Variants in JRK observed in about 807,000 individuals in gnomAD.
The protein encoded by JRK is jerky protein homolog.
For synonymous variants in JRK, 303 were observed against 218.1 expected, an observed-to-expected ratio of 1.39 and a Z score of -3.43; for missense variants, 720 against 509.2, an observed-to-expected ratio of 1.41 and a Z score of -3.98.
Position 142,662,181 on chromosome 8 carries a change from C to T in JRK, c.*2171G>A. The T allele has an allele frequency of 3.0e-6, 3 of 985,906 alleles. No individual in the cohort carries two copies. The highest frequency in any genetic ancestry group is 3.6e-6 in the Non-Finnish European group (3 of 830,302). 61.1% of individuals were successfully genotyped at this position (985,906 alleles called of 1,614,324 possible). On this transcript the variant is annotated 3_prime_UTR_variant, in exon 2 of 2. Transcript: ENST00000612905. ...CAAGCGCCTACCCATCAGCCCAGCA[C>T]AGTCAGCACAAGAGCAGATCAAGAA...
downstream of JRK, among the ~76,000 whole-genome samples, chr8:142,652,704 C>T (rs1846688544): frequency 6.6e-6 from 1 of 152,158 alleles, no homozygotes; most frequent in Admixed American, 6.5e-5. Flanking sequence ...CTTGACTTTT[C>T]CCTTTAGCTT....
chr8:142,667,730 A>C (rs1449335331), intron 1 of JRK, among the ~76,000 whole-genome samples: 1 of 152,194 alleles, frequency 6.6e-6, no homozygotes, highest in Non-Finnish European at 1.5e-5. Context: ...TGACATAGAA[A>C]TGTCACAGCT....
rs1010185224 is a variant in JRK, at chr8:142,661,219, G to A, written c.*3133C>T. 11 of 985,618 alleles carry A rather than the reference G, an allele frequency of 1.1e-5. No individual in the cohort carries two copies. Among genetic ancestry groups the A allele is most frequent in the Non-Finnish European group, 1.3e-5 (11 of 830,062 alleles). 61.1% of individuals were successfully genotyped at this position (985,618 alleles called of 1,614,324 possible). ...GGACAGCGTGCCTGGGGTGCTCGCAGAAGGCCAGGCTGGCACAGGCAGGAC... is the reference window on the plus strand; with the variant it reads ...GGACAGCGTGCCTGGGGTGCTCGCAAAAGGCCAGGCTGGCACAGGCAGGAC... On this transcript the variant is annotated 3_prime_UTR_variant, in exon 2 of 2. Transcript: ENST00000612905.
At chr8:142,648,051 G>T in the JRK span, among the ~76,000 whole-genome samples, 4 of 152,188 alleles carry the variant, frequency 2.6e-5, no homozygotes, top group Admixed American at 2.0e-4. Flanking sequence ...GAGATGTGAC[G>T]AATTCTGAAC....
At chr8:142,647,827 G>T in the JRK span, among the ~76,000 whole-genome samples, 2 of 152,222 alleles carry the variant, frequency 1.3e-5, no homozygotes, top group Non-Finnish European at 2.9e-5. Flanking sequence ...GGAACAGTTT[G>T]GAGGGCTCAG....
chr8:142,667,240 A>AGCAG (rs1847155038), intron 1 of JRK, among the ~76,000 whole-genome samples: 3 of 152,312 alleles, frequency 2.0e-5, no homozygotes, highest in South Asian at 2.1e-4. Flanking sequence ...AAGGAGCCGC[A>AGCAG]GCAGACAGAC....
chr8:142,652,542 T>C (rs587594494), downstream of JRK, among the ~76,000 whole-genome samples: 1 of 149,668 alleles, frequency 6.7e-6, no homozygotes, highest in East Asian at 2.0e-4. Flanking sequence ...GAATCAGATA[T>C]ACATTTATCT....
At chr8:142,669,707 G>A (rs1847263981) in intron 1 of JRK, among the ~76,000 whole-genome samples, 1 of 151,092 alleles carries the variant, frequency 6.6e-6, no homozygotes, top group Non-Finnish European at 1.5e-5. Context: ...CGCGCGGGAA[G>A]CACAGGGCTT....
chr8:142,645,365 AGTTTTTG>A, the JRK span, among the ~76,000 whole-genome samples: 3 of 152,170 alleles, frequency 2.0e-5, no homozygotes, highest in Non-Finnish European at 2.9e-5. Context: ...ATTGCATAAA[AGTTTTTG>A]GTTTTTAAAA....
chr8:142,666,784 C>T (rs1205882956), intron 1 of JRK, among the ~76,000 whole-genome samples: 9 of 152,218 alleles, frequency 5.9e-5, no homozygotes, highest in Non-Finnish European at 4.4e-5. Context: ...GGAAACGAGA[C>T]GTGGCTCTCA....
chr8:142,654,249 C>A (rs1846711266), downstream of JRK, among the ~76,000 whole-genome samples: 1 of 152,160 alleles, frequency 6.6e-6, no homozygotes, highest in South Asian at 2.1e-4. Flanking sequence ...ACTACTCCAA[C>A]CCTCACAGCA....
chr8:142,663,238 A>G lies in JRK; in HGVS notation c.*1114T>C. 1.0e-6 allele frequency: 1 copy of G among 985,280 alleles called. No individual in the cohort carries two copies. Among genetic ancestry groups the G allele is most frequent in the Non-Finnish European group, 1.2e-6 (1 of 829,746 alleles). 61.0% of individuals were successfully genotyped at this position (985,280 alleles called of 1,614,324 possible). A position where few individuals can be genotyped will look rare whatever the true frequency, so the allele number is the denominator to read the frequency against. ...TGGACACAGGGCGTTCTGGAATCTCAGCTGCAGGCAGTGAGTGTTGCCCGT... is the reference window on the plus strand; with the variant it reads ...TGGACACAGGGCGTTCTGGAATCTCGGCTGCAGGCAGTGAGTGTTGCCCGT... On this transcript the variant is annotated 3_prime_UTR_variant, in exon 2 of 2. Transcript: ENST00000612905.
In JRK at chr8:142,659,539, C is replaced by T. The variant is rs1846848266; in HGVS notation, c.*4813G>A. 1 of 985,774 alleles carries T rather than the reference C, an allele frequency of 1.0e-6. No homozygotes were observed. The highest frequency in any genetic ancestry group is 1.2e-6 in the Non-Finnish European group (1 of 830,184). The allele number at this position is 985,774 out of a possible 1,614,324, so 61.1% of individuals were successfully genotyped here. ...TGGCCAGTGGGCCTCCCACAATCTG[C>T]CCCTGGGTGCAGGGCCTTGAGCAGG... On this transcript the variant is annotated 3_prime_UTR_variant, in exon 2 of 2. Coordinates refer to ENST00000612905, the MANE Select transcript of JRK (RefSeq NM_003724.4).
Position 142,660,374 on chromosome 8 carries a change from G to A in JRK, c.*3978C>T. The A allele has an allele frequency of 1.0e-6, 1 of 985,512 alleles. No individual in the cohort carries two copies. Among genetic ancestry groups the A allele is most frequent in the Non-Finnish European group, 1.2e-6 (1 of 830,038 alleles). The allele number at this position is 985,512 out of a possible 1,614,324, so 61.0% of individuals were successfully genotyped here. A position where few individuals can be genotyped will look rare whatever the true frequency, so the allele number is the denominator to read the frequency against. On this transcript the variant is annotated 3_prime_UTR_variant, in exon 2 of 2. Coordinates refer to ENST00000612905, the MANE Select transcript of JRK (RefSeq NM_003724.4). The stretch of plus-strand genomic sequence containing the variant: ...CCTACCTCATGACCTCCCCGACCCT[G>A]ATCTCCACACCTGACCCCAAAGCAC...
intron 1 of JRK, among the ~76,000 whole-genome samples, chr8:142,669,396 T>C (rs1847249716): frequency 6.6e-6 from 1 of 151,784 alleles, no homozygotes; most frequent in South Asian, 2.1e-4. Flanking sequence ...CTAGGAGCCC[T>C]CCACGCTGGG....
At chr8:142,669,256 T>A (rs1247652169) in intron 1 of JRK, among the ~76,000 whole-genome samples, 1 of 147,000 alleles carries the variant, frequency 6.8e-6, no homozygotes, top group African/African-American at 2.5e-5. Flanking sequence ...AAAAAACAAG[T>A]CGCATTCTGG....
chr8:142,653,155 G>A (rs1846695572), downstream of JRK, among the ~76,000 whole-genome samples: 1 of 152,100 alleles, frequency 6.6e-6, no homozygotes, highest in South Asian at 2.1e-4. Flanking sequence ...GCTAACTTTG[G>A]GAGAAATTTA....
At position 142,663,441 on chromosome 8, in the gene JRK, G is replaced by C. The variant is rs1846981160; in HGVS notation, c.*911C>G. 1.0e-6 allele frequency: 1 copy of C among 985,338 alleles called. No individual in the cohort carries two copies. Among genetic ancestry groups the C allele is most frequent in the African/African-American group, 1.7e-5 (1 of 57,248 alleles). 61.0% of individuals were successfully genotyped at this position (985,338 alleles called of 1,614,324 possible). ...AGAAATCTAAGCAGCCTGTTTTACT[G>C]TTTTCAGTGACTTACGTGCAAACCT... On this transcript the variant is annotated 3_prime_UTR_variant, in exon 2 of 2. Coordinates refer to ENST00000612905, the MANE Select transcript of JRK (RefSeq NM_003724.4).
chr8:142,658,834 T>C lies in JRK; in HGVS notation c.*5518A>G, dbSNP rs782076898. The C allele has an allele frequency of 2.5e-6, 4 of 1,608,944 alleles. No homozygotes were observed. The highest frequency in any genetic ancestry group is 2.7e-5 in the African/African-American group (2 of 74,844). On this transcript the variant is annotated 3_prime_UTR_variant, in exon 2 of 2. Transcript: ENST00000612905. ...AGAGGGGTCTTACCCAGCACTGCCA[T>C]GTGGCAGAAGTTCTCCAACATTATG...
Sources: gnomAD v4.1 joint callset for allele counts (sites outside exome capture counted in the v4.1 genomes callset) on GRCh38, gnomAD v4.1.1 for gene constraint, MANE v1.5 for transcripts, NCBI Gene and HGNC (gene_info 2026-07-23, HGNC 2026-07-21) for gene names.